GAPVD1: variants seen among roughly 807,000 people sequenced by gnomAD.
GAPVD1 encodes the protein GTPase activating protein and VPS9 domains 1.
In GAPVD1, 35 loss-of-function variants were observed where a neutral mutation model predicts 155.5. The ratio of observed to expected loss-of-function variants is 0.23; its 90% CI spans 0.17 to 0.30. The LOEUF is 0.30. GAPVD1 is among the 10% of genes least tolerant of loss of function. The pLI is 1.00. For synonymous variants in GAPVD1, 636 were observed against 619.7 expected (o/e 1.03, Z -0.39); for missense variants, 1,429 against 1,775.7 (o/e 0.80, Z 3.51).
intron 9 of GAPVD1, among the ~76,000 whole-genome samples, chr9:125,317,758 A>G (rs1843671218): frequency 6.6e-6 from 1 of 152,146 alleles, no homozygotes; most frequent in African/African-American, 2.4e-5. Flanking sequence ...ACCACGGACA[A>G]AGAACTAAAG....
rs1433170582 is a variant in GAPVD1, at chr9:125,349,453, C to T, written c.3233C>T (p.Ser1078Leu). ...SPRDEALQNI[S>L]ADDLPDSASQ... ...CGTGACGAAGCACTGCAGAACATCTCGGCTGATGATCTCCCAGACTCTGCA... is the reference window on the plus strand; with the variant it reads ...CGTGACGAAGCACTGCAGAACATCTTGGCTGATGATCTCCCAGACTCTGCA... The change falls in exon 21 of 28, where the codon TCG becomes TTG. Residue 1078 changes from serine to leucine, a missense_variant. By Grantham distance (145) the Ser-to-Leu change is moderately radical (BLOSUM62 -2). This residue lies in a region of GAPVD1 where 699 missense variants were observed against 826.0 expected (regional missense o/e 0.85). Coordinates refer to ENST00000297933, the MANE Select transcript of GAPVD1 (RefSeq NM_001282680.3). 15 of 1,613,222 alleles carry T rather than the reference C, an allele frequency of 9.3e-6. No individual in the cohort carries two copies. In the African/African-American group the frequency reaches 1.3e-4, roughly 14 times the overall value.
chr9:125,330,317 CT>C (rs374139001), intron 13 of GAPVD1, 99 bp downstream of exon 13: 73,389 of 500,018 alleles, frequency 0.15, no homozygotes, highest in South Asian at 0.18. Flanking sequence ...GTCAAATACA[CT>C]TTTTTTTTTT....
intron 15 of GAPVD1, among the ~76,000 whole-genome samples, chr9:125,333,673 A>C (rs867816018): frequency 1.3e-5 from 2 of 151,776 alleles, no homozygotes; most frequent in African/African-American, 4.8e-5. Context: ...TTTTTAGTAG[A>C]GACAGGGTTT....
intron 2 of GAPVD1, among the ~76,000 whole-genome samples, chr9:125,284,029 A>T (rs537431535): frequency 6.6e-6 from 1 of 151,964 alleles, no homozygotes; most frequent in South Asian, 2.1e-4. Flanking sequence ...ACGTGCCACC[A>T]TGCCTGGCTA....
At chr9:125,319,112 G>A (rs1487735827) in intron 9 of GAPVD1, among the ~76,000 whole-genome samples, 2 of 152,074 alleles carry the variant, frequency 1.3e-5, no homozygotes, top group East Asian at 3.8e-4. Context: ...GGAGGTGGAG[G>A]TGGCAGTGAG....
At chr9:125,310,985 G>T (rs905729539) in intron 8 of GAPVD1, among the ~76,000 whole-genome samples, 15 of 151,584 alleles carry the variant, frequency 9.9e-5, no homozygotes, top group African/African-American at 3.6e-4. Flanking sequence ...GATTACAGGT[G>T]CCTGCCACCA....
intron 20 of GAPVD1, among the ~76,000 whole-genome samples, chr9:125,348,922 A>C (rs1259922129): frequency 6.6e-6 from 1 of 152,224 alleles, no homozygotes; most frequent in Non-Finnish European, 1.5e-5. Flanking sequence ...GAAGACCTCC[A>C]GTAGAGAGAA....
Position 125,299,018 on chromosome 9 carries a change from G to C in GAPVD1, c.97G>C (p.Asp33His). 1 of 1,611,574 alleles carries C rather than the reference G, an allele frequency of 6.2e-7. No homozygotes were observed. Among genetic ancestry groups the C allele is most frequent in the South Asian group, 1.1e-5 (1 of 91,012 alleles). ...EKQLIQRLNADVLKTAEKLYR... is the reference protein window; with the variant it reads ...EKQLIQRLNAHVLKTAEKLYR... ...ACAGCTCATTCAGAGGCTCAATGCA[G>C]ATGTACTTAAGACAGCTGAAAAGTT... Residue 33 changes from aspartate to histidine, a missense_variant, in exon 4 of 28, where the codon GAT becomes CAT. Coordinates refer to ENST00000297933, the MANE Select transcript of GAPVD1 (RefSeq NM_001282680.3).
At chr9:125,335,312 G>T in intron 15 of GAPVD1, 2 of 561,960 alleles carry the variant, frequency 3.6e-6, no homozygotes, top group South Asian at 2.4e-5. Context: ...TTTTTATTTT[G>T]GAAAATAATA....
chr9:125,334,902 A>G (rs1464246527), intron 15 of GAPVD1, among the ~76,000 whole-genome samples: 1 of 151,980 alleles, frequency 6.6e-6, no homozygotes, highest in Non-Finnish European at 1.5e-5. Flanking sequence ...AAAAATTAGA[A>G]TTTTGGAAAC....
intron 9 of GAPVD1, among the ~76,000 whole-genome samples, chr9:125,314,696 A>G (rs1032383214): frequency 1.3e-5 from 2 of 151,990 alleles, no homozygotes; most frequent in African/African-American, 4.8e-5. Context: ...AAAAGAAACA[A>G]AAAGACAAGA....
intron 1 of GAPVD1, chr9:125,263,878 G>A: frequency 7.1e-7 from 1 of 1,408,714 alleles, no homozygotes; most frequent in Admixed American, 1.7e-5. Flanking sequence ...GGAGATACTG[G>A]ATACCCTCAT....
At chr9:125,310,281 C>T (rs1310202236) in intron 8 of GAPVD1, among the ~76,000 whole-genome samples, 1 of 151,990 alleles carries the variant, frequency 6.6e-6, no homozygotes, top group Non-Finnish European at 1.5e-5. Context: ...GATGTGTGCT[C>T]TGAATTTTCA....
At chr9:125,360,831 C>T (rs1232416683) in intron 27 of GAPVD1, 106 bp downstream of exon 27, 1 of 775,882 alleles carries the variant, frequency 1.3e-6, no homozygotes, top group Admixed American at 2.4e-5. Context: ...AAGTCACAAG[C>T]TCTGGGTTAC....
At chr9:125,280,418 AAAG>A in intron 2 of GAPVD1, among the ~76,000 whole-genome samples, 1 of 151,140 alleles carries the variant, frequency 6.6e-6, no homozygotes, top group Admixed American at 6.6e-5. Context: ...AAAAAAAAAA[AAAG>A]AATAAATGAG....
intron 2 of GAPVD1, among the ~76,000 whole-genome samples, chr9:125,277,368 C>G (rs936661041): frequency 6.6e-6 from 1 of 152,114 alleles, no homozygotes; most frequent in Non-Finnish European, 1.5e-5. Flanking sequence ...AGTCAAGGGA[C>G]TGTACTTGGT....
chr9:125,321,371 GGTTT>G, intron 9 of GAPVD1, 58 bp from the exon 10 acceptor site: 1 of 1,198,704 alleles, frequency 8.3e-7, no homozygotes, highest in Non-Finnish European at 1.2e-6. Context: ...CATTTGCTGT[GGTTT>G]GTTTCCTTAT....
intron 2 of GAPVD1, among the ~76,000 whole-genome samples, chr9:125,282,161 C>T (rs189587880): frequency 1.2e-3 from 180 of 152,206 alleles, no homozygotes; most frequent in Middle Eastern, 3.4e-3. Context: ...TGCCTGTAGT[C>T]CCAGCTACTC....
Position 125,307,755 on chromosome 9 carries a change from A to G in GAPVD1, c.1316A>G (p.Asn439Ser), listed in dbSNP as rs780345150. The change falls in exon 8 of 28, where the codon AAT becomes AGT. Residue 439 changes from asparagine to serine, a missense_variant. Asn to Ser is a conservative substitution (Grantham distance 46, BLOSUM62 1). Coordinates refer to ENST00000297933, the MANE Select transcript of GAPVD1 (RefSeq NM_001282680.3). ...QLREDRMALD[N>S]LLANLPPAKP... ...AGAGAAGATAGAATGGCTCTTGACA[A>G]TTTATTGGCAAACCTACCCCCGGCC... 2 of 1,614,004 alleles carry G rather than the reference A, an allele frequency of 1.2e-6. No homozygotes were observed. The highest frequency in any genetic ancestry group is 1.1e-5 in the South Asian group (1 of 91,082).
Sources: gnomAD v4.1 joint callset for allele counts (sites outside exome capture counted in the v4.1 genomes callset) on GRCh38, gnomAD v4.1.1 for gene constraint, gnomAD v4.1.1 regional missense constraint, MANE v1.5 for transcripts, NCBI Gene and HGNC (gene_info 2026-07-23, HGNC 2026-07-21) for gene names.